MAML3: variants seen among roughly 807,000 people sequenced by gnomAD.
MAML3 encodes mastermind-like protein 3.
In MAML3, 27 loss-of-function variants were observed where a neutral mutation model predicts 101.9. The ratio of observed to expected loss-of-function variants is 0.27; its 90% CI spans 0.20 to 0.37. The LOEUF is 0.37. MAML3 is among the 10% of genes least tolerant of loss of function. The pLI is 1.00. For missense variants in MAML3, 1,316 were observed against 1,444.9 expected (o/e 0.91, Z 1.45); for synonymous variants, 501 against 555.9 (o/e 0.90, Z 1.39).
intron 2 of MAML3, among the ~76,000 whole-genome samples, chr4:139,807,526 T>C (rs1032733025): frequency 1.3e-5 from 2 of 152,126 alleles, no homozygotes; most frequent in Admixed American, 1.3e-4. Context: ...AGGCTATGCG[T>C]GGGGCAGATG....
At chr4:139,852,403 GTTTTTTTTTT>G (rs67349785) in intron 2 of MAML3, among the ~76,000 whole-genome samples, 4 of 68,326 alleles carry the variant, frequency 5.9e-5, no homozygotes, top group South Asian at 6.1e-4. Flanking sequence ...TCAGAAGACT[GTTTTTTTTTT>G]TTTTTTTTTT....
intron 1 of MAML3, among the ~76,000 whole-genome samples, chr4:139,955,142 T>C (rs1733895215): frequency 6.6e-6 from 1 of 152,080 alleles, no homozygotes; most frequent in Admixed American, 6.5e-5. Flanking sequence ...CCCCTCAATG[T>C]TACTCAGAGT....
chr4:139,978,203 T>A (rs908935835), intron 1 of MAML3, among the ~76,000 whole-genome samples: 1 of 152,134 alleles, frequency 6.6e-6, no homozygotes, highest in African/African-American at 2.4e-5. Context: ...CAAAAAAAAG[T>A]CTTTGGACCA....
intron 2 of MAML3, among the ~76,000 whole-genome samples, chr4:139,833,287 T>G (rs929467198): frequency 6.6e-6 from 1 of 152,182 alleles, no homozygotes; most frequent in Admixed American, 6.5e-5. Context: ...TGGAAGCGCC[T>G]AGAGCAGTCG....
chr4:139,911,495 G>A (rs1465421163), intron 1 of MAML3, among the ~76,000 whole-genome samples: 1 of 152,204 alleles, frequency 6.6e-6, no homozygotes, highest in Non-Finnish European at 1.5e-5. Context: ...TGGAATTACA[G>A]GCGTGAGCCA....
rs371071238 is a variant in MAML3 at position 139,720,186 on chromosome 4, C to A, written c.2554G>T (p.Ala852Ser). The stretch of plus-strand genomic sequence containing the variant: ...GGGGCCAGTCCCATCTCCGACTGCG[C>A]AGCTGCGGTGGCCATCGTCCCAGGG... ...QNPGTMATAA[A>S]QSEMGLAPYS... The change falls in exon 5 of 5, where the codon GCG (alanine) becomes TCG (serine). Residue 852 changes from alanine to serine, a missense_variant. Transcript: ENST00000509479. 23 of 1,613,904 alleles carry A rather than the reference C, an allele frequency of 1.4e-5. No homozygotes were observed. The highest frequency in any genetic ancestry group is 3.3e-5 in the Admixed American group (2 of 60,012).
intron 1 of MAML3, among the ~76,000 whole-genome samples, chr4:140,096,706 G>T (rs2110990283): frequency 6.6e-6 from 1 of 152,076 alleles, no homozygotes; most frequent in South Asian, 2.1e-4. Flanking sequence ...AGTAGTCTTG[G>T]GATGGCTCAT....
intron 1 of MAML3, among the ~76,000 whole-genome samples, chr4:140,038,535 T>C (rs754531249): frequency 2.6e-5 from 4 of 152,220 alleles, no homozygotes; most frequent in Non-Finnish European, 5.9e-5. Context: ...CCTGAGGAAG[T>C]ATCACACATA....
At chr4:140,002,132 T>G (rs1280959339) in intron 1 of MAML3, among the ~76,000 whole-genome samples, 2 of 152,202 alleles carry the variant, frequency 1.3e-5, no homozygotes, top group African/African-American at 2.4e-5. Flanking sequence ...AGTCACCACG[T>G]TGTATAATAG....
At chr4:139,913,211 A>T (rs937545762) in intron 1 of MAML3, among the ~76,000 whole-genome samples, 1 of 152,232 alleles carries the variant, frequency 6.6e-6, no homozygotes, top group African/African-American at 2.4e-5. Context: ...GGAGAAAAAA[A>T]ATCTCAGTAT....
At chr4:139,896,115 G>A (rs574789894) in intron 1 of MAML3, among the ~76,000 whole-genome samples, 1 of 152,252 alleles carries the variant, frequency 6.6e-6, no homozygotes, top group South Asian at 2.1e-4. Context: ...TTCCTCATGG[G>A]AGACAGAGGG....
In MAML3 at chr4:139,720,175, C is replaced by T. The variant is rs2110955016; in HGVS notation, c.2565G>A (p.Glu855=). ...GTMATAAAQS[E]MGLAPYSTTP... is the part of the protein sequence containing the mutation. ...TGGTGCTATAAGGGGCCAGTCCCAT[C>T]TCCGACTGCGCAGCTGCGGTGGCCA... Residue 855 remains glutamate (E), a synonymous_variant, in exon 5 of 5, where the codon GAG becomes GAA. Transcript: ENST00000509479. 1 of 1,614,056 alleles carries T rather than the reference C, an allele frequency of 6.2e-7. No individual in the cohort carries two copies. Among genetic ancestry groups the T allele is most frequent in the African/African-American group, 1.3e-5 (1 of 75,074 alleles).
At chr4:139,945,734 T>TA (rs1213914193) in intron 1 of MAML3, among the ~76,000 whole-genome samples, 3 of 152,376 alleles carry the variant, frequency 2.0e-5, no homozygotes, top group Non-Finnish European at 2.9e-5. Context: ...AAAACCAAAT[T>TA]AAAATTTTAT....
chr4:139,903,827 C>G (rs1253380081), intron 1 of MAML3, among the ~76,000 whole-genome samples: 1 of 152,162 alleles, frequency 6.6e-6, no homozygotes, highest in Non-Finnish European at 1.5e-5. Context: ...AGTCCAAGAT[C>G]AAGGCACTCA....
At chr4:139,866,929 G>A (rs926656501) in intron 2 of MAML3, among the ~76,000 whole-genome samples, 3 of 152,160 alleles carry the variant, frequency 2.0e-5, no homozygotes, top group South Asian at 2.1e-4. Flanking sequence ...AGAAAGAAAC[G>A]CAGAGGGCAG....
Position 139,989,882 on chromosome 4 carries a change from C to CAG in MAML3, c.469-98917_469-98916dup, listed in dbSNP as rs141031028. On this transcript the variant is annotated intron_variant, in intron 1 of 4. Coordinates refer to ENST00000509479, the MANE Select transcript of MAML3 (RefSeq NM_018717.5). Reference sequence around the variant, plus strand: ...ACACACACACACACACACACACACACAGAGAGAGAGAGAGAGAGAAAGAGA... The same window carrying CAG: ...ACACACACACACACACACACACACACAGAGAGAGAGAGAGAGAGAGAAAGAGA... Among the ~76,000 whole-genome samples, 463 of 63,118 alleles carry CAG rather than the reference C, an allele frequency of 7.3e-3. 5 individuals carry two copies. The highest frequency in any genetic ancestry group is 0.025 in the African/African-American group (435 of 17,238). The allele number at this position is 63,118 out of a possible 152,430, so 41.4% of individuals were successfully genotyped here.
chr4:140,026,250 TTTAC>T (rs1726821524), intron 1 of MAML3, among the ~76,000 whole-genome samples: 2 of 152,254 alleles, frequency 1.3e-5, no homozygotes, highest in South Asian at 2.1e-4. Flanking sequence ...AAATTTTTAT[TTTAC>T]TTACTTATAT....
intron 2 of MAML3, among the ~76,000 whole-genome samples, chr4:139,814,299 A>G (rs1229379226): frequency 6.6e-6 from 1 of 152,246 alleles, no homozygotes. Context: ...AGCAGAAATC[A>G]GGATGGCGAT....
chr4:139,767,074 A>G (rs78863631), intron 2 of MAML3, among the ~76,000 whole-genome samples: 169 of 152,338 alleles, frequency 1.1e-3, no homozygotes, highest in Admixed American at 3.0e-3. Flanking sequence ...CTGTAACCCA[A>G]CTTATATTCC....
Sources: gnomAD v4.1 joint callset for allele counts (sites outside exome capture counted in the v4.1 genomes callset) on GRCh38, gnomAD v4.1.1 for gene constraint, MANE v1.5 for transcripts, NCBI Gene and HGNC (gene_info 2026-07-23, HGNC 2026-07-21) for gene names.